The following NBAS variants were observed in gnomAD, a reference collection of about 807,000 sequenced individuals.
NBAS encodes the protein NBAS subunit of NRZ tethering complex, also known as NAG/BC035112 fusion.
A neutral mutation model predicts 302.5 loss-of-function variants in NBAS; 219 were observed. The observed-to-expected ratio is 0.72, with a 90% CI of 0.65 to 0.81. The LOEUF (loss-of-function observed/expected upper bound fraction) is 0.81. NBAS is among the 30% of genes least tolerant of loss of function. NBAS has a pLI of 0.00. For synonymous variants in NBAS, 1,118 were observed against 1,021.6 expected (o/e 1.09, Z -1.80); for missense variants, 2,932 against 2,841.6 (o/e 1.03, Z -0.72).
chr2:15,219,902 C>T (rs1666856183), intron 47 of NBAS, among the ~76,000 whole-genome samples: 1 of 147,310 alleles, frequency 6.8e-6, no homozygotes, highest in Non-Finnish European at 1.5e-5. Context: ...TAGGGGCGGC[C>T]GGGCAGAAGC....
the NBAS span, among the ~76,000 whole-genome samples, chr2:15,057,770 G>A: frequency 6.6e-6 from 1 of 152,094 alleles, no homozygotes; most frequent in Non-Finnish European, 1.5e-5. Flanking sequence ...CCTTTTTATG[G>A]CTGAGTAGTA....
chr2:15,294,539 G>A (rs1316359972), intron 40 of NBAS, among the ~76,000 whole-genome samples: 1 of 151,970 alleles, frequency 6.6e-6, no homozygotes, highest in African/African-American at 2.4e-5. Context: ...AACCCCTCAG[G>A]GCACCATCCT....
At chr2:15,139,329 C>T in the NBAS span, among the ~76,000 whole-genome samples, 6 of 152,160 alleles carry the variant, frequency 3.9e-5, no homozygotes, top group East Asian at 9.6e-4. Flanking sequence ...GCATTTAAGA[C>T]CCCCCGATTT....
In NBAS at chr2:15,417,546, A is replaced by C; in HGVS notation, c.2744T>G (p.Leu915Arg). The C allele has an allele frequency of 6.2e-7, 1 of 1,613,346 alleles. No homozygotes were observed. The highest frequency in any genetic ancestry group is 8.5e-7 in the Non-Finnish European group (1 of 1,179,402). ...ACCTACACTATTCATCAGTAATCTT[A>C]GTTTTTCAATGTCTTTCATCTGCTG... ...ELQQMKDIEKLRLLMNSCSED... is the reference protein window; with the variant it reads ...ELQQMKDIEKRRLLMNSCSED... Residue 915 changes from leucine (L) to arginine (R), a missense_variant, in exon 24 of 52, where the codon CTA becomes CGA. Coordinates refer to ENST00000281513, the MANE Select transcript of NBAS (RefSeq NM_015909.4).
the NBAS span, among the ~76,000 whole-genome samples, chr2:15,087,945 G>C: frequency 1.3e-5 from 2 of 152,306 alleles, no homozygotes; most frequent in South Asian, 4.1e-4. Context: ...CAAAACACGC[G>C]GAGAGTGAAA....
intron 46 of NBAS, among the ~76,000 whole-genome samples, chr2:15,233,728 T>G (rs1667475388): frequency 6.6e-6 from 1 of 152,208 alleles, no homozygotes. Context: ...AATTAATGGA[T>G]ACCTCAGAGC....
chr2:15,246,672 G>A (rs2147971019), intron 44 of NBAS, among the ~76,000 whole-genome samples: 1 of 152,300 alleles, frequency 6.6e-6, no homozygotes, highest in African/African-American at 2.4e-5. Flanking sequence ...GAGACCAAAT[G>A]TTTGCCATTG....
chr2:15,366,538 C>T (rs1471272373), intron 32 of NBAS, 42 bp downstream of exon 32: 22 of 1,522,232 alleles, frequency 1.4e-5, no homozygotes, highest in Non-Finnish European at 1.9e-5. Context: ...TCAAGAATAA[C>T]ATAGAAAGCT....
chr2:14,794,320 G>T, the NBAS span, among the ~76,000 whole-genome samples: 288 of 152,228 alleles, frequency 1.9e-3, 2 homozygotes, highest in African/African-American at 6.7e-3. Flanking sequence ...TTTTTCAATT[G>T]ACGGTATATT....
intron 45 of NBAS, among the ~76,000 whole-genome samples, chr2:15,237,968 G>C (rs9677426): frequency 0.22 from 34,064 of 151,778 alleles, 4,372 homozygotes; most frequent in East Asian, 0.44. Context: ...GTAGAGACGG[G>C]GTTTCACCAT....
the NBAS span, among the ~76,000 whole-genome samples, chr2:14,942,685 A>AC: frequency 1.3e-5 from 2 of 152,226 alleles, no homozygotes; most frequent in African/African-American, 4.8e-5. Flanking sequence ...GTGGAGTGTC[A>AC]CAGCTAAAGC....
At chr2:14,998,956 A>G in the NBAS span, among the ~76,000 whole-genome samples, 413 of 152,280 alleles carry the variant, frequency 2.7e-3, 2 homozygotes, top group Non-Finnish European at 4.6e-3. Context: ...GTCCTAATTA[A>G]TGTTCAGGTG....
At chr2:14,931,870 T>C in the NBAS span, among the ~76,000 whole-genome samples, 1 of 152,212 alleles carries the variant, frequency 6.6e-6, no homozygotes, top group Non-Finnish European at 1.5e-5. Context: ...TTTACTATCA[T>C]TGTTTTCTTA....
chr2:14,926,088 T>A, the NBAS span, among the ~76,000 whole-genome samples: 1 of 152,156 alleles, frequency 6.6e-6, no homozygotes, highest in Non-Finnish European at 1.5e-5. Context: ...TCCCTGTGCT[T>A]AAGAATCCTC....
chr2:15,267,805 A>C (rs1299150936), intron 44 of NBAS, among the ~76,000 whole-genome samples: 1 of 152,188 alleles, frequency 6.6e-6, no homozygotes, highest in Admixed American at 6.5e-5. Context: ...AATAAAGTAA[A>C]ATTAACTTAC....
intron 47 of NBAS, among the ~76,000 whole-genome samples, chr2:15,229,289 C>T (rs1480027609): frequency 4.4e-5 from 6 of 136,484 alleles, no homozygotes; most frequent in African/African-American, 1.1e-4. Flanking sequence ...TGCAGTGAGC[C>T]GAGATCCCAT....
the NBAS span, among the ~76,000 whole-genome samples, chr2:14,971,022 C>G: frequency 6.6e-6 from 1 of 152,256 alleles, no homozygotes; most frequent in East Asian, 1.9e-4. Context: ...CGAGCCCCTT[C>G]CCACATGAAA....
At chr2:15,253,859 G>C (rs1368819438) in intron 44 of NBAS, among the ~76,000 whole-genome samples, 1 of 152,152 alleles carries the variant, frequency 6.6e-6, no homozygotes, top group Non-Finnish European at 1.5e-5. Context: ...GGCAGTGGGG[G>C]AGATCTAATT....
intron 28 of NBAS, among the ~76,000 whole-genome samples, chr2:15,385,080 C>G (rs1021582485): frequency 6.6e-6 from 1 of 152,124 alleles, no homozygotes. Context: ...TACAAAAGAA[C>G]AATTACTCTT....
Sources: gnomAD v4.1 joint callset for allele counts (sites outside exome capture counted in the v4.1 genomes callset) on GRCh38, gnomAD v4.1.1 for gene constraint, MANE v1.5 for transcripts, NCBI Gene and HGNC (gene_info 2026-07-23, HGNC 2026-07-21) for gene names.